The following NTM variants were observed in gnomAD, a reference collection of about 807,000 sequenced individuals.
NTM encodes IgLON family member 2.
NTM carries 13 observed loss-of-function variants against 42.1 expected under a neutral mutation model. The observed-to-expected ratio is 0.31, with a 90% CI of 0.20 to 0.49. The LOEUF is 0.49. Among genes scored for constraint, NTM ranks in the 20% least tolerant of loss-of-function variants. The probability of loss-of-function intolerance (pLI) is 0.99; values close to 1 mark genes in which losing one functional copy is unlikely to be tolerated. For missense variants in NTM, 373 were observed against 452.8 expected (o/e 0.82, Z 1.60); for synonymous variants, 187 against 179.2 (o/e 1.04, Z -0.35).
intron 1 of NTM, among the ~76,000 whole-genome samples, chr11:131,837,237 G>T (rs1053509581): frequency 6.6e-6 from 1 of 152,150 alleles, no homozygotes; most frequent in South Asian, 2.1e-4. Flanking sequence ...TACCGAATTT[G>T]CACCTTTGTC....
intron 1 of NTM, among the ~76,000 whole-genome samples, chr11:131,740,838 A>T (rs548499747): frequency 6.6e-6 from 1 of 152,300 alleles, no homozygotes; most frequent in Admixed American, 6.5e-5. Flanking sequence ...TCACAATAGA[A>T]GTTTGATCAT....
intron 1 of NTM, among the ~76,000 whole-genome samples, chr11:131,418,972 C>T (rs984909470): frequency 1.3e-5 from 2 of 152,116 alleles, no homozygotes; most frequent in Non-Finnish European, 2.9e-5. Context: ...CCAAGGTACG[C>T]ACTTACAAGA....
At chr11:132,308,862 G>C (rs2095188176) in intron 5 of NTM, among the ~76,000 whole-genome samples, 1 of 151,768 alleles carries the variant, frequency 6.6e-6, no homozygotes, top group African/African-American at 2.4e-5. Context: ...AAAACATAAA[G>C]AAACAGAAGC....
intron 3 of NTM, among the ~76,000 whole-genome samples, chr11:132,156,390 C>G (rs1310619201): frequency 2.0e-5 from 3 of 152,228 alleles, no homozygotes; most frequent in Non-Finnish European, 4.4e-5. Context: ...ATCCTTCAGA[C>G]TTTGACTCAA....
chr11:132,062,012 A>G (rs1317130811), intron 2 of NTM, among the ~76,000 whole-genome samples: 2 of 152,160 alleles, frequency 1.3e-5, no homozygotes, highest in Non-Finnish European at 2.9e-5. Context: ...CTAACCATGC[A>G]GAAGCCACTG....
chr11:131,492,568 A>G (rs1428633516), intron 1 of NTM, among the ~76,000 whole-genome samples: 1 of 152,216 alleles, frequency 6.6e-6, no homozygotes. Flanking sequence ...CTGCACAAGC[A>G]GCCATGGCCC....
intron 1 of NTM, among the ~76,000 whole-genome samples, chr11:131,875,756 A>C (rs896616349): frequency 1.3e-5 from 2 of 152,120 alleles, no homozygotes; most frequent in Non-Finnish European, 2.9e-5. Flanking sequence ...GGCTTCATGG[A>C]CACTGTCCTG....
intron 2 of NTM, among the ~76,000 whole-genome samples, chr11:131,942,674 G>A (rs1408932581): frequency 6.6e-6 from 1 of 152,138 alleles, no homozygotes; most frequent in Non-Finnish European, 1.5e-5. Context: ...GGCTGGGTGT[G>A]GTGGCTTATG....
At chr11:132,317,699 C>CTTCCTTG (rs1565467316) in intron 7 of NTM, 2 of 1,301,622 alleles carry the variant, frequency 1.5e-6, no homozygotes, top group South Asian at 2.5e-5. Context: ...AGGTCAGTAT[C>CTTCCTTG]TTCCTTGCTT....
At chr11:132,139,186 G>C (rs2068587311) in intron 2 of NTM, among the ~76,000 whole-genome samples, 1 of 152,178 alleles carries the variant, frequency 6.6e-6, no homozygotes, top group Admixed American at 6.5e-5. Context: ...AGGTTACCTA[G>C]CTTTGGTCAC....
At chr11:131,944,105 G>A (rs1343918488) in intron 2 of NTM, among the ~76,000 whole-genome samples, 2 of 152,026 alleles carry the variant, frequency 1.3e-5, no homozygotes, top group African/African-American at 4.8e-5. Flanking sequence ...GTAATTTGAA[G>A]ACAACCTATG....
intron 1 of NTM, among the ~76,000 whole-genome samples, chr11:131,411,551 G>GTA (rs1946421004): frequency 7.2e-6 from 1 of 137,932 alleles, no homozygotes; most frequent in Admixed American, 7.1e-5. Flanking sequence ...GTGTGTGTGT[G>GTA]TGTGTGTGTG....
chr11:132,038,024 G>C (rs1440257513), intron 2 of NTM, among the ~76,000 whole-genome samples: 1 of 152,210 alleles, frequency 6.6e-6, no homozygotes, highest in South Asian at 2.1e-4. Flanking sequence ...ATATTAGACC[G>C]TGCATGTGTG....
At chr11:131,541,253 A>G (rs142464320) in intron 1 of NTM, among the ~76,000 whole-genome samples, 65 of 152,348 alleles carry the variant, frequency 4.3e-4, no homozygotes, top group African/African-American at 1.5e-3. Context: ...GCCTTCCGCC[A>G]TGTAATGCCT....
intron 1 of NTM, among the ~76,000 whole-genome samples, chr11:131,549,426 A>T (rs554665984): frequency 1.3e-5 from 2 of 152,162 alleles, no homozygotes; most frequent in South Asian, 2.1e-4. Context: ...AAAATTAAAA[A>T]TTTTTTAGAC....
chr11:131,829,071 C>G (rs1262869091), intron 1 of NTM, among the ~76,000 whole-genome samples: 1 of 151,096 alleles, frequency 6.6e-6, no homozygotes, highest in Non-Finnish European at 1.5e-5. Flanking sequence ...CATATAACCT[C>G]CTTAATCACC....
At chr11:131,549,947 T>C (rs2054441975) in intron 1 of NTM, among the ~76,000 whole-genome samples, 1 of 152,180 alleles carries the variant, frequency 6.6e-6, no homozygotes, top group Admixed American at 6.5e-5. Context: ...CTAGTACAGC[T>C]AAGGGTGTGG....
At chr11:131,975,696 T>C (rs1027774761) in intron 2 of NTM, among the ~76,000 whole-genome samples, 2 of 152,166 alleles carry the variant, frequency 1.3e-5, no homozygotes, top group African/African-American at 4.8e-5. Context: ...TAAATGTCTT[T>C]TCTCCACGGT....
rs1185084172 is a variant in NTM at position 131,566,684 on chromosome 11, G to A, written c.82+195796G>A. Among the ~76,000 whole-genome samples the A allele has an allele frequency of 2.6e-5, 4 of 152,296 alleles. No individual in the cohort carries two copies. The South Asian group carries it at 6.2e-4, about 24-fold the overall frequency. On this transcript the variant is annotated intron_variant, in intron 1 of 8. Transcript: ENST00000683400. ...GCCAAATGCGGCACAACTTTAAACC[G>A]ATTAATAAAACTCTTAAAAGGATAA...
Sources: gnomAD v4.1 joint callset for allele counts (sites outside exome capture counted in the v4.1 genomes callset) on GRCh38, gnomAD v4.1.1 for gene constraint, MANE v1.5 for transcripts, NCBI Gene and HGNC (gene_info 2026-07-23, HGNC 2026-07-21) for gene names.